ENOSF1: variants seen among roughly 807,000 people sequenced by gnomAD.
ENOSF1 encodes enolase superfamily member 1.
A neutral mutation model predicts 68.2 loss-of-function variants in ENOSF1; 73 were observed. The observed-to-expected ratio is 1.07, with a 90% CI of 0.89 to 1.30. The LOEUF is 1.30. Among genes scored for constraint, ENOSF1 ranks in the 50% most tolerant of loss-of-function variants. The pLI is 0.00. For synonymous variants in ENOSF1, 223 were observed against 210.4 expected, an observed-to-expected ratio of 1.06 and a Z score of -0.52; for missense variants, 589 against 554.5, an observed-to-expected ratio of 1.06 and a Z score of -0.62.
chr18:693,844 T>C, intron 5 of ENOSF1, 38 bp downstream of exon 5: 1 of 1,612,832 alleles, frequency 6.2e-7, no homozygotes, highest in South Asian at 1.1e-5. Context: ...ATCCATTTCA[T>C]TTACAGAAAC....
At chr18:690,899 C>CA (rs2077089940) in intron 7 of ENOSF1, 169 bp downstream of exon 7, 12 of 1,204,650 alleles carry the variant, frequency 1.0e-5, no homozygotes, top group Non-Finnish European at 1.3e-5. Context: ...ACTCTGCAGT[C>CA]AGAGGTCATA....
At chr18:667,559 T>TGATGGTGATGGA (rs1382608061), downstream of ENOSF1, among the ~76,000 whole-genome samples, 224 of 66,332 alleles carry the variant, frequency 3.4e-3, 36 homozygotes, top group Non-Finnish European at 4.0e-3. Context: ...ATGGAGATGG[T>TGATGGTGATGGA]GATGGTGATG....
At chr18:698,996 G>A (rs1003155415) in intron 2 of ENOSF1, among the ~76,000 whole-genome samples, 3 of 152,160 alleles carry the variant, frequency 2.0e-5, no homozygotes, top group Middle Eastern at 3.4e-3. Flanking sequence ...GGACCTACAC[G>A]CAACACCACA....
intron 1 of ENOSF1, among the ~76,000 whole-genome samples, chr18:710,155 C>A (rs1431781236): frequency 1.3e-5 from 2 of 152,106 alleles, no homozygotes; most frequent in Non-Finnish European, 2.9e-5. Flanking sequence ...CTCACCCAGG[C>A]TGGAGTGCAG....
downstream of ENOSF1, chr18:669,248 C>A (rs1335885421): frequency 1.5e-6 from 2 of 1,304,432 alleles, no homozygotes; most frequent in African/African-American, 1.5e-5. Flanking sequence ...TGTGCAGAGG[C>A]ACCTGAGGGA....
intron 9 of ENOSF1, chr18:687,407 C>T (rs916965812): frequency 2.0e-5 from 3 of 152,192 alleles, no homozygotes; most frequent in African/African-American, 7.2e-5. Context: ...GATTCCCAGG[C>T]AGCGGGTCTG....
In ENOSF1 at chr18:690,646, C is replaced by T. The variant is rs377017665; in HGVS notation, c.536-15G>A. 138 of 1,612,710 alleles carry T rather than the reference C, an allele frequency of 8.6e-5. No individual in the cohort carries two copies. In the African/African-American group the frequency reaches 1.5e-3, roughly 17 times the overall value. On this transcript the variant is annotated splice_polypyrimidine_tract_variant and intron_variant, in intron 7 of 15. Transcript: ENST00000647584. ...CATTTGCTTCTCTGTGAAAACACAG[C>T]GCCGTCAACATTTTGCACTTTCCAG...
At chr18:663,018 T>C in the ENOSF1 span, among the ~76,000 whole-genome samples, 1 of 141,414 alleles carries the variant, frequency 7.1e-6, no homozygotes, top group Non-Finnish European at 1.5e-5. Flanking sequence ...AATAGTCCTT[T>C]GGGTATATAC....
At chr18:706,817 T>TATATATATATATA (rs200437325) in intron 1 of ENOSF1, 12 of 63,738 alleles carry the variant, frequency 1.9e-4, no homozygotes, top group African/African-American at 7.4e-4. Flanking sequence ...ATATATATAT[T>TATATATATATATA]TTTTTTTTTT....
chr18:706,648 G>T, intron 1 of ENOSF1, 70 bp from the exon 2 acceptor site: 1 of 1,155,430 alleles, frequency 8.7e-7, no homozygotes, highest in Non-Finnish European at 1.3e-6. Flanking sequence ...TGAGAATGAT[G>T]TCACATGAGG....
At chr18:706,789 A>C (rs920654651) in intron 1 of ENOSF1, 4 of 318,196 alleles carry the variant, frequency 1.3e-5, no homozygotes, top group African/African-American at 9.1e-5. Flanking sequence ...TGTTTCAACA[A>C]GAGCAATGTA....
chr18:675,984 C>A (rs1284505227), intron 14 of ENOSF1, among the ~76,000 whole-genome samples: 1 of 152,060 alleles, frequency 6.6e-6, no homozygotes. Flanking sequence ...CCACCTCCAT[C>A]CAAGAACCAA....
At position 690,620 on chromosome 18, in the gene ENOSF1, G is replaced by C. The variant is rs373636779; in HGVS notation, c.547C>G (p.Leu183Val). Residue 183 changes from leucine to valine, a missense_variant, in exon 8 of 16, where the codon CTG becomes GTG. By Grantham distance (32) the Leu-to-Val change is conservative. Coordinates refer to ENST00000647584, the MANE Select transcript of ENOSF1 (RefSeq NM_017512.7). ...GTGTAAGCAGGGTATCCTTGTGCCAGCATTTGCTTCTCTGTGAAAACACAG... is the reference window on the plus strand; with the variant it reads ...GTGTAAGCAGGGTATCCTTGTGCCACCATTTGCTTCTCTGTGAAAACACAG... ...IGKKEREKQMLAQGYPAYTTS... is the reference protein window; with the variant it reads ...IGKKEREKQMVAQGYPAYTTS... The C allele has an allele frequency of 1.9e-6, 3 of 1,613,162 alleles. No homozygotes were observed. The highest frequency in any genetic ancestry group is 2.5e-6 in the Non-Finnish European group (3 of 1,179,982).
At chr18:668,105 C>G (rs182645758), downstream of ENOSF1, among the ~76,000 whole-genome samples, 76 of 149,914 alleles carry the variant, frequency 5.1e-4, no homozygotes, top group African/African-American at 1.8e-3. Flanking sequence ...TGGTGCATTC[C>G]TCAGAGTTGT....
intron 1 of ENOSF1, 147 bp from the exon 2 acceptor site, chr18:706,725 G>C: frequency 3.6e-6 from 2 of 552,240 alleles, no homozygotes; most frequent in Non-Finnish European, 6.5e-6. Flanking sequence ...ATACCCCAAA[G>C]AAAACAAAGG....
chr18:694,035 C>T, intron 4 of ENOSF1, 127 bp from the exon 5 acceptor site: 1 of 1,103,684 alleles, frequency 9.1e-7, no homozygotes, highest in Non-Finnish European at 1.3e-6. Context: ...CCCTCTACTG[C>T]TGCCTGCGCC....
chr18:694,387 G>A, intron 3 of ENOSF1, 53 bp from the exon 4 acceptor site: 2 of 1,535,928 alleles, frequency 1.3e-6, no homozygotes, highest in South Asian at 2.3e-5. Context: ...AAAGAGGGCT[G>A]GGTGTGATGG....
In ENOSF1 at chr18:672,188, T is replaced by G. The variant is rs914055854; in HGVS notation, c.*2117A>C. On this transcript the variant is annotated 3_prime_UTR_variant, in exon 16 of 16. Transcript: ENST00000647584. ...GCCAACAATTGATATGAAATGGCAATAAAAATGTAAGTTCATCTGCTTCAT... is the reference window on the plus strand; with the variant it reads ...GCCAACAATTGATATGAAATGGCAAGAAAAATGTAAGTTCATCTGCTTCAT... 6.6e-6 allele frequency: 1 copy of G among 152,242 alleles called. No individual in the cohort carries two copies. The highest frequency in any genetic ancestry group is 1.5e-5 in the Non-Finnish European group (1 of 68,056). The allele number at this position is 152,242 out of a possible 1,614,324, so 9.4% of individuals were successfully genotyped here.
At chr18:667,598 T>TGGTGATGGTGATGGAGATG (rs1567991053), downstream of ENOSF1, 1 of 104,046 alleles carries the variant, frequency 9.6e-6, no homozygotes, top group Non-Finnish European at 1.9e-5. Flanking sequence ...GTGATGGTGA[T>TGGTGATGGTGATGGAGATG]GGTGATGGTG....
Sources: gnomAD v4.1 joint callset for allele counts (sites outside exome capture counted in the v4.1 genomes callset) on GRCh38, gnomAD v4.1.1 for gene constraint, MANE v1.5 for transcripts, NCBI Gene and HGNC (gene_info 2026-07-23, HGNC 2026-07-21) for gene names.